CNTNAP2: variants seen among roughly 807,000 people sequenced by gnomAD.
The protein encoded by CNTNAP2 is contactin-associated protein-like 2.
CNTNAP2 carries 98 observed loss-of-function variants against 155.2 expected under a neutral mutation model. The observed-to-expected ratio is 0.63, with a 90% confidence interval of 0.54 to 0.75. The LOEUF is 0.75. Among genes scored for constraint, CNTNAP2 ranks in the 30% least tolerant of loss-of-function variants. The pLI is 0.00. For synonymous variants in CNTNAP2, 651 were observed against 631.2 expected (o/e 1.03, Z -0.47); for missense variants, 1,727 against 1,688.1 (o/e 1.02, Z -0.40).
At chr7:148,333,170 G>T (rs571243877) in intron 21 of CNTNAP2, among the ~76,000 whole-genome samples, 13 of 152,106 alleles carry the variant, frequency 8.5e-5, no homozygotes, top group Non-Finnish European at 1.3e-4. Context: ...GCTCACCCCC[G>T]TAATCCCAAC....
intron 13 of CNTNAP2, among the ~76,000 whole-genome samples, chr7:147,820,103 C>T (rs147145967): frequency 8.2e-4 from 125 of 152,142 alleles, no homozygotes; most frequent in African/African-American, 1.6e-3. Flanking sequence ...TACCTATTTA[C>T]ATATCCACCA....
At chr7:147,152,582 A>C (rs567919354) in intron 8 of CNTNAP2, among the ~76,000 whole-genome samples, 1 of 152,208 alleles carries the variant, frequency 6.6e-6, no homozygotes, top group Admixed American at 6.5e-5. Context: ...CGAAAACAAA[A>C]AGGACAATAA....
chr7:146,825,677 A>G (rs989442376), intron 2 of CNTNAP2, among the ~76,000 whole-genome samples: 3 of 152,106 alleles, frequency 2.0e-5, no homozygotes, highest in South Asian at 2.1e-4. Flanking sequence ...ATACAAAGCA[A>G]TTTTCCACTT....
intron 1 of CNTNAP2, among the ~76,000 whole-genome samples, chr7:146,330,465 G>A (rs1273233660): frequency 6.6e-6 from 1 of 152,116 alleles, no homozygotes; most frequent in Non-Finnish European, 1.5e-5. Context: ...ACAATCAATT[G>A]TATGTATAAA....
intron 3 of CNTNAP2, among the ~76,000 whole-genome samples, chr7:146,991,757 G>A (rs983670011): frequency 3.3e-5 from 5 of 152,114 alleles, no homozygotes; most frequent in Admixed American, 6.6e-5. Flanking sequence ...TGCTGAGATC[G>A]TTGAACAACA....
intron 17 of CNTNAP2, among the ~76,000 whole-genome samples, chr7:148,164,174 T>C (rs1805604729): frequency 2.6e-5 from 4 of 152,224 alleles, no homozygotes; most frequent in Admixed American, 2.6e-4. Flanking sequence ...ACCTCAGTGA[T>C]CTGTCTGCCT....
At chr7:147,627,279 A>G (rs1236726447) in intron 12 of CNTNAP2, among the ~76,000 whole-genome samples, 2 of 152,214 alleles carry the variant, frequency 1.3e-5, no homozygotes, top group African/African-American at 4.8e-5. Flanking sequence ...TCCCCAAAAG[A>G]TCATACCAGC....
rs760589600 is a variant in CNTNAP2, at chr7:148,114,618, T to C, written c.2384-3500T>C. Among the ~76,000 whole-genome samples the C allele has an allele frequency of 2.6e-5, 4 of 152,188 alleles. 1 individual carries two copies. Among genetic ancestry groups the C allele is most frequent in the Middle Eastern group, 6.8e-3 (2 of 294 alleles). ...TGTTATAATAAAAAAATCCCAGAGATTGGGCAACAGATTCCTCAGAACAGG... is the reference window on the plus strand; with the variant it reads ...TGTTATAATAAAAAAATCCCAGAGACTGGGCAACAGATTCCTCAGAACAGG... On this transcript the variant is annotated intron_variant, in intron 15 of 23. Coordinates refer to ENST00000361727, the MANE Select transcript of CNTNAP2 (RefSeq NM_014141.6).
At chr7:146,901,679 T>C (rs12216546) in intron 3 of CNTNAP2, among the ~76,000 whole-genome samples, 34,870 of 152,040 alleles carry the variant, frequency 0.23, 5,397 homozygotes, top group Non-Finnish European at 0.33. Context: ...CAGTACTTAC[T>C]TGGATTGGAT....
At chr7:147,414,297 G>A (rs1797150876) in intron 10 of CNTNAP2, among the ~76,000 whole-genome samples, 1 of 151,920 alleles carries the variant, frequency 6.6e-6, no homozygotes, top group Non-Finnish European at 1.5e-5. Flanking sequence ...TGTGGCAGGT[G>A]ACTGTGATCC....
At chr7:147,438,801 G>A (rs1585816) in intron 10 of CNTNAP2, among the ~76,000 whole-genome samples, 101,456 of 151,728 alleles carry the variant, frequency 0.67, 35,206 homozygotes, top group African/African-American at 0.86. Flanking sequence ...GAATTTATTT[G>A]TGGTTCAATC....
chr7:146,169,437 G>C (rs1798357453), intron 1 of CNTNAP2, among the ~76,000 whole-genome samples: 1 of 152,150 alleles, frequency 6.6e-6, no homozygotes, highest in Non-Finnish European at 1.5e-5. Context: ...TATACATTGT[G>C]AAATTATTAC....
intron 8 of CNTNAP2, among the ~76,000 whole-genome samples, chr7:147,249,603 G>GAAAAAAAAAAAAAAAAA (rs1563133155): frequency 4.1e-5 from 1 of 24,354 alleles, no homozygotes; most frequent in African/African-American, 1.9e-4. Flanking sequence ...GACATTGGAG[G>GAAAAAAAAAAAAAAAAA]TAAAAAAAAA....
At chr7:147,931,858 C>T (rs1408754617) in intron 14 of CNTNAP2, among the ~76,000 whole-genome samples, 1 of 151,996 alleles carries the variant, frequency 6.6e-6, no homozygotes, top group African/African-American at 2.4e-5. Context: ...ATTCCAATAA[C>T]ATTCTTTTTT....
chr7:147,048,320 T>C (rs1334920807), intron 4 of CNTNAP2, among the ~76,000 whole-genome samples: 1 of 152,020 alleles, frequency 6.6e-6, no homozygotes, highest in Non-Finnish European at 1.5e-5. Context: ...CCAGAGGCTG[T>C]AGTGATATGG....
chr7:146,633,599 G>A (rs1378296907), intron 1 of CNTNAP2, among the ~76,000 whole-genome samples: 1 of 151,880 alleles, frequency 6.6e-6, no homozygotes, highest in Non-Finnish European at 1.5e-5. Flanking sequence ...ATAATCTTTA[G>A]GGAAAAATGA....
chr7:148,322,460 C>T (rs770410769), intron 21 of CNTNAP2, among the ~76,000 whole-genome samples: 3 of 152,146 alleles, frequency 2.0e-5, no homozygotes, highest in Non-Finnish European at 4.4e-5. Context: ...TAGATGTAAA[C>T]ATGTATATGC....
intron 1 of CNTNAP2, among the ~76,000 whole-genome samples, chr7:146,594,103 A>T (rs1179757690): frequency 1.3e-5 from 2 of 152,144 alleles, no homozygotes; most frequent in African/African-American, 4.8e-5. Flanking sequence ...TCTTCTAAGT[A>T]ATTTTCCATC....
intron 3 of CNTNAP2, among the ~76,000 whole-genome samples, chr7:146,911,588 T>C (rs1270014774): frequency 7.1e-6 from 1 of 140,714 alleles, no homozygotes; most frequent in African/African-American, 2.7e-5. Flanking sequence ...TTCTCACTCA[T>C]AGGTGGGAAT....
Sources: allele counts gnomAD v4.1 joint callset (sites outside exome capture counted in the v4.1 genomes callset), GRCh38; gene constraint gnomAD v4.1.1; transcripts MANE v1.5; gene names NCBI Gene and HGNC (gene_info 2026-07-23, HGNC 2026-07-21).